MTR: variants seen among roughly 807,000 people sequenced by gnomAD.
MTR encodes the protein 5-methyltetrahydrofolate-homocysteine methyltransferase, also known as methionine synthase.
A neutral mutation model predicts 154.8 loss-of-function variants in MTR; 84 were observed. That is an observed-to-expected ratio of 0.54 (90% confidence interval 0.45 to 0.65). The LOEUF is 0.65. Among genes scored for constraint, MTR ranks in the 30% least tolerant of loss-of-function variants. MTR has a pLI of 0.00. For missense variants in MTR, 1,275 were observed against 1,570.2 expected (o/e 0.81, Z 3.18); for synonymous variants, 554 against 553.9 (o/e 1.00, Z 0.00).
intron 1 of MTR, among the ~76,000 whole-genome samples, chr1:236,797,831 G>A (rs895308876): frequency 1.3e-4 from 20 of 151,756 alleles, no homozygotes; most frequent in African/African-American, 2.4e-4. Context: ...TATAGTGAGC[G>A]CCTATAACCC....
At position 236,874,728 on chromosome 1, in the gene MTR, A is replaced by G. The variant is rs1665337252; in HGVS notation, c.2476A>G (p.Ile826Val). 1.3e-6 allele frequency: 2 copies of G among 1,575,278 alleles called. No homozygotes were observed. Among genetic ancestry groups the G allele is most frequent in the Non-Finnish European group, 1.7e-6 (2 of 1,163,212 alleles). Residue 826 changes from isoleucine (I) to valine (V), a missense_variant and splice_region_variant, in exon 24 of 33, where the codon ATA (isoleucine) becomes GTA (valine). Transcript: ENST00000366577. ...TTTTTTAAAAAAAAAAAAAATAGAT[A>G]TAATTGGCCTGTCAGGACTCATCAC... ...LKAALDHKAD[I>V]IGLSGLITPS...
At chr1:236,852,117 G>A (rs1159140000) in intron 16 of MTR, among the ~76,000 whole-genome samples, 1 of 152,168 alleles carries the variant, frequency 6.6e-6, no homozygotes, top group Non-Finnish European at 1.5e-5. Context: ...TCATCGGTAT[G>A]GTTGGAACTT....
chr1:236,850,508 A>C lies in MTR; in HGVS notation c.1680A>C (p.Ala560=). 1 of 1,613,726 alleles carries C rather than the reference A, an allele frequency of 6.2e-7. No homozygotes were observed. Among genetic ancestry groups the C allele is most frequent in the Non-Finnish European group, 8.5e-7 (1 of 1,179,786 alleles). ...HNLYAINFIH[A]TKVIKETLPG... is the part of the protein sequence containing the mutation. ...TGTATGCCATTAATTTTATCCATGC[A>C]ACAAAAGTCATTAAAGTAAGTGTAG... The change falls in exon 16 of 33, where the codon GCA becomes GCC. Residue 560 remains alanine (A), a synonymous_variant. Coordinates refer to ENST00000366577, the MANE Select transcript of MTR (RefSeq NM_000254.3).
chr1:236,852,487 G>T, intron 16 of MTR, 34 bp from the exon 17 acceptor site: 1 of 1,527,234 alleles, frequency 6.5e-7, no homozygotes. Context: ...TGGCAAAAAA[G>T]GGGAATCTTT....
rs181036054 is a variant in MTR at position 236,820,331 on chromosome 1, C to T, written c.764+3788C>T. 1.4e-4 allele frequency: 105 copies of T among 754,286 alleles called. No homozygotes were observed. In the Middle Eastern group the frequency reaches 1.8e-3, roughly 13 times the overall value. The allele number at this position is 754,286 out of a possible 1,614,324, so 46.7% of individuals were successfully genotyped here. On this transcript the variant is annotated intron_variant, in intron 8 of 32. Coordinates refer to ENST00000366577, the MANE Select transcript of MTR (RefSeq NM_000254.3). The stretch of plus-strand genomic sequence containing the variant: ...GAGGAGTTTCAGGGTGAATGGACTG[C>T]TCCAGCTCCCGAGTTCACTGCTACT...
At chr1:236,823,796 C>CATTTT (rs1662116886) in intron 8 of MTR, among the ~76,000 whole-genome samples, 1 of 18,424 alleles carries the variant, frequency 5.4e-5, no homozygotes, top group Non-Finnish European at 9.4e-5. Flanking sequence ...CAGGTCAGAT[C>CATTTT]TTTTTTTTTT....
chr1:236,874,638 T>C, intron 23 of MTR, 88 bp from the exon 24 acceptor site: 3 of 1,188,578 alleles, frequency 2.5e-6, no homozygotes, highest in Non-Finnish European at 3.5e-6. Context: ...TTACAAAGTT[T>C]TTTAAATGGA....
chr1:236,897,273 A>G (rs563837966), intron 32 of MTR, among the ~76,000 whole-genome samples, 155 bp downstream of exon 32: 2 of 114,346 alleles, frequency 1.7e-5, no homozygotes, highest in Admixed American at 8.5e-5. Flanking sequence ...GAATACCTCT[A>G]TTCTAGCCCT....
At position 236,832,074 on chromosome 1, in the gene MTR, A is replaced by G. The variant is rs138734002; in HGVS notation, c.1184A>G (p.Tyr395Cys). Residue 395 changes from tyrosine (Y) to cysteine (C), a missense_variant, in exon 13 of 33, where the codon TAT becomes TGT. Coordinates refer to ENST00000366577, the MANE Select transcript of MTR (RefSeq NM_000254.3). ...GCTAAACTCATCATGGCAGGAAACT[A>G]TGAAGTGAGCATCTTAATAAGACCC... ...KFAKLIMAGN[Y>C]EEALCVAKVQ... 4.3e-6 allele frequency: 7 copies of G among 1,611,582 alleles called. No individual in the cohort carries two copies. Among genetic ancestry groups the G allele is most frequent in the East Asian group, 2.2e-5 (1 of 44,884 alleles).
Position 236,897,778 on chromosome 1 carries a change from C to CT in MTR, c.*135dup. On this transcript the variant is annotated 3_prime_UTR_variant, in exon 33 of 33. Coordinates refer to ENST00000366577, the MANE Select transcript of MTR (RefSeq NM_000254.3). ...CTTACCTGCTTCTGGTTTTCGAAGA[C>CT]TATTTAGTGGAACCTTGTAGAGGAG... 2 of 782,130 alleles carry CT rather than the reference C, an allele frequency of 2.6e-6. No homozygotes were observed. Among genetic ancestry groups the CT allele is most frequent in the South Asian group, 3.1e-5 (2 of 65,032 alleles). The allele number at this position is 782,130 out of a possible 1,614,324, so 48.4% of individuals were successfully genotyped here.
At chr1:236,817,751 T>C (rs1271716432) in intron 8 of MTR, among the ~76,000 whole-genome samples, 2 of 152,228 alleles carry the variant, frequency 1.3e-5, no homozygotes, top group Non-Finnish European at 2.9e-5. Context: ...AGGGTGCATC[T>C]TACAGTTGAC....
chr1:236,860,435 C>A lies in MTR; in HGVS notation c.2043+513C>A, dbSNP rs564137763. The stretch of plus-strand genomic sequence containing the variant: ...GTTTTTTTTTGGCTCTGGAGTTTAA[C>A]ATTTAACTCTTTCACCTTTTGAGAT... On this transcript the variant is annotated intron_variant, in intron 19 of 32. Coordinates refer to ENST00000366577, the MANE Select transcript of MTR (RefSeq NM_000254.3). 8.0e-4 allele frequency among the ~76,000 whole-genome samples: 119 copies of A among 148,556 alleles called. 3 individuals are homozygous for A. Among genetic ancestry groups the A allele is most frequent in the African/African-American group, 2.9e-3 (117 of 40,382 alleles).
At chr1:236,834,897 A>C (rs1173559274) in intron 13 of MTR, among the ~76,000 whole-genome samples, 1 of 152,212 alleles carries the variant, frequency 6.6e-6, no homozygotes, top group African/African-American at 2.4e-5. Context: ...GCAGTGTGTA[A>C]TAGTGCATTA....
chr1:236,884,854 T>C (rs1323095449), intron 25 of MTR, among the ~76,000 whole-genome samples: 1 of 152,188 alleles, frequency 6.6e-6, no homozygotes, highest in African/African-American at 2.4e-5. Flanking sequence ...AGTGACTCTC[T>C]TATCAGGCAG....
intron 32 of MTR, among the ~76,000 whole-genome samples, 192 bp downstream of exon 32, chr1:236,897,310 G>GCGCGCGCGCGCGCGCGCA: frequency 2.3e-5 from 3 of 128,678 alleles, no homozygotes; most frequent in Non-Finnish European, 3.4e-5. Context: ...CCACACACAC[G>GCGCGCGCGCGCGCGCGCA]CACACACACA....
At chr1:236,841,857 A>C (rs562941278) in intron 15 of MTR, among the ~76,000 whole-genome samples, 50 of 150,230 alleles carry the variant, frequency 3.3e-4, no homozygotes, top group Non-Finnish European at 6.4e-4. Context: ...TCTCATTCCC[A>C]CTGGTATTAG....
rs1666753013 is a variant in MTR, at chr1:236,897,849, G to A, written c.*205G>A. On this transcript the variant is annotated 3_prime_UTR_variant, in exon 33 of 33. Transcript: ENST00000366577. ...TGGAAAACAGGCGCTGTTTTTTTGG[G>A]ACCTTGCGTGAAGAGCAGTGAGCAG... is the stretch of plus-strand genomic sequence containing the variant. 8.5e-6 allele frequency: 5 copies of A among 591,240 alleles called. No individual in the cohort carries two copies. Among genetic ancestry groups the A allele is most frequent in the Non-Finnish European group, 1.5e-5 (5 of 336,256 alleles). The allele number at this position is 591,240 out of a possible 1,614,324, so 36.6% of individuals were successfully genotyped here. A position where few individuals can be genotyped will look rare whatever the true frequency, so the allele number is the denominator to read the frequency against.
chr1:236,856,830 C>T lies in MTR; in HGVS notation c.1954-3003C>T, dbSNP rs532643018. On this transcript the variant is annotated intron_variant, in intron 18 of 32. Coordinates refer to ENST00000366577, the MANE Select transcript of MTR (RefSeq NM_000254.3). Reference sequence around the variant, plus strand: ...GTTTGTTGAGTGTGATGGTTTCCAGCTTCATCCATGTCCCTGCAAAGGACA... The same window carrying T: ...GTTTGTTGAGTGTGATGGTTTCCAGTTTCATCCATGTCCCTGCAAAGGACA... Among the ~76,000 whole-genome samples, 9 of 152,248 alleles carry T rather than the reference C, an allele frequency of 5.9e-5. No individual in the cohort carries two copies. In the East Asian group the frequency reaches 1.5e-3, roughly 26 times the overall value.
chr1:236,824,249 G>T (rs1430236315), intron 9 of MTR, 30 bp downstream of exon 9: 2 of 1,528,614 alleles, frequency 1.3e-6, no homozygotes, highest in South Asian at 2.2e-5. Context: ...CACACATGGG[G>T]AGATAAAAAT....
Sources: allele counts gnomAD v4.1 joint callset (sites outside exome capture counted in the v4.1 genomes callset), GRCh38; gene constraint gnomAD v4.1.1; transcripts MANE v1.5; gene names NCBI Gene and HGNC (gene_info 2026-07-23, HGNC 2026-07-21).